Variants in ZNF454 observed in about 807,000 individuals in gnomAD.
The protein encoded by ZNF454 is zinc finger protein 454.
ZNF454 carries 30 observed loss-of-function variants against 48.2 expected under a neutral mutation model. The ratio of observed to expected loss-of-function variants is 0.62; its 90% CI spans 0.47 to 0.84. ZNF454 has a LOEUF of 0.84. Ranked by LOEUF, ZNF454 falls within the 40% of genes least tolerant of loss-of-function variation. The pLI, the probability that ZNF454 is intolerant of heterozygous loss-of-function variation, is 0.00. For synonymous variants in ZNF454, 204 were observed against 211.4 expected, an observed-to-expected ratio of 0.97 and a Z score of 0.30; for missense variants, 510 against 623.1, an observed-to-expected ratio of 0.82 and a Z score of 1.93.
chr5:178,965,973 A>C lies in ZNF454; in HGVS notation c.1569A>C (p.Ter523CysextTer15). 6.4e-7 allele frequency: 1 copy of C among 1,555,230 alleles called. No individual in the cohort carries two copies. The highest frequency in any genetic ancestry group is 8.7e-7 in the Non-Finnish European group (1 of 1,153,952). The change falls in exon 5 of 5, where the codon TGA becomes TGC. Residue 523 changes from the stop codon to cysteine, a stop_lost. Coordinates refer to ENST00000519564, the MANE Select transcript of ZNF454 (RefSeq NM_001178089.3). The surrounding 1 kb of genome is among the most constrained non-coding windows in gnomAD (Gnocchi z 5.2). ...AGAGACATCATATTGGAGAGAAGTGATATGAATGCAGTTTGTATGGAAGAC... is the reference window on the plus strand; with the variant it reads ...AGAGACATCATATTGGAGAGAAGTGCTATGAATGCAGTTTGTATGGAAGAC... The part of the protein sequence containing the change: ...QHQRHHIGEK[*>C]
intron 4 of ZNF454, among the ~76,000 whole-genome samples, chr5:178,949,614 T>C (rs1414073321): frequency 6.6e-6 from 1 of 152,084 alleles, no homozygotes; most frequent in African/African-American, 2.4e-5. Flanking sequence ...TTCCTTTTTT[T>C]TGTTTTTTGT....
intron 4 of ZNF454, among the ~76,000 whole-genome samples, chr5:178,955,646 A>T (rs1759718350): frequency 6.6e-6 from 1 of 152,184 alleles, no homozygotes; most frequent in Non-Finnish European, 1.5e-5. Context: ...TCCTTTCCTT[A>T]TAACATCTCT....
chr5:178,986,274 GC>G, the ZNF454 span: 1 of 1,613,962 alleles, frequency 6.2e-7, no homozygotes, highest in African/African-American at 1.3e-5. Flanking sequence ...TGAGGGTCGT[GC>G]CCAGGCCCAG....
the ZNF454 span, chr5:178,986,397 C>G: frequency 1.2e-5 from 20 of 1,613,790 alleles, no homozygotes; most frequent in African/African-American, 2.7e-5. Flanking sequence ...GCTCTCGGCC[C>G]GAGGCCCGGA....
At chr5:178,968,105 TCACA>T (rs3031585), downstream of ZNF454, among the ~76,000 whole-genome samples, 34,709 of 144,850 alleles carry the variant, frequency 0.24, 4,364 homozygotes, top group East Asian at 0.32. Flanking sequence ...CATCTGTGCA[TCACA>T]CACACACACA....
In ZNF454 at chr5:178,944,222, AGCTCACCG is replaced by A. The variant is rs1759226620; in HGVS notation, c.33+1402_33+1409del. Among the ~76,000 whole-genome samples, 1 of 152,180 alleles carries A rather than the reference AGCTCACCG, an allele frequency of 6.6e-6. No homozygotes were observed. Among genetic ancestry groups the A allele is most frequent in the African/African-American group, 2.4e-5 (1 of 41,442 alleles). ...GGGAGCGCCATGTTCAACATAGCAC[AGCTCACCG>A]GCTGTTCCCCTCCTCCTCTTGGCTT... is the stretch of plus-strand genomic sequence containing the variant. On this transcript the variant is annotated intron_variant, in intron 2 of 4. Transcript: ENST00000519564. This position sits in a 1 kb window ranked among gnomAD's most constrained non-coding sequence, Gnocchi z 4.1.
At chr5:178,985,044 C>T in the ZNF454 span, among the ~76,000 whole-genome samples, 1 of 152,114 alleles carries the variant, frequency 6.6e-6, no homozygotes, top group Admixed American at 6.6e-5. Context: ...CAAAGGAGCT[C>T]CATTATTTAA....
the ZNF454 span, chr5:178,983,419 G>C: frequency 1.4e-6 from 1 of 704,240 alleles, no homozygotes; most frequent in South Asian, 1.5e-5. Context: ...GCCCAAGAGG[G>C]GTCCGTCCAA....
At chr5:178,950,822 A>T in intron 4 of ZNF454, among the ~76,000 whole-genome samples, 1 of 150,672 alleles carries the variant, frequency 6.6e-6, no homozygotes, top group African/African-American at 2.4e-5. Flanking sequence ...TTTTTCTCTT[A>T]AATTTGCTTG....
the ZNF454 span, chr5:178,983,495 A>G: frequency 2.0e-5 from 13 of 649,350 alleles, no homozygotes; most frequent in East Asian, 4.0e-4. Context: ...ACATCAGTGC[A>G]GTGTGCATAA....
chr5:178,983,525 T>A, the ZNF454 span: 1 of 586,606 alleles, frequency 1.7e-6, no homozygotes. Context: ...TGGTGTCCTC[T>A]TCCTGCATTC....
chr5:178,966,219 G>A lies in ZNF454; in HGVS notation c.*246G>A, dbSNP rs993333742. The stretch of plus-strand genomic sequence containing the variant: ...GGAGGCCGAGGTGGGCGGATCACGA[G>A]GTCAGGAGATCGAGACCATCCTGGC... On this transcript the variant is annotated 3_prime_UTR_variant, in exon 5 of 5. Transcript: ENST00000519564. The A allele has an allele frequency of 2.9e-5, 10 of 347,080 alleles. No homozygotes were observed. The highest frequency in any genetic ancestry group is 2.1e-4 in the African/African-American group (10 of 48,012). 21.5% of individuals were successfully genotyped at this position (347,080 alleles called of 1,614,324 possible). A position where few individuals can be genotyped will look rare whatever the true frequency, so the allele number is the denominator to read the frequency against.
Position 178,965,139 on chromosome 5 carries a change from A to G in ZNF454, c.735A>G (p.Glu245=). The part of the protein sequence containing the change: ...QRIHTGEKPY[E]CKECGKAFSV... Reference sequence around the variant, plus strand: ...TTCACACTGGCGAGAAACCCTATGAATGTAAGGAATGTGGCAAGGCCTTCT... The same window carrying G: ...TTCACACTGGCGAGAAACCCTATGAGTGTAAGGAATGTGGCAAGGCCTTCT... The change falls in exon 5 of 5, where the codon GAA becomes GAG. Residue 245 remains glutamate, a synonymous_variant. Transcript: ENST00000519564. This position sits in a 1 kb window ranked among gnomAD's most constrained non-coding sequence, Gnocchi z 5.2. 5 of 1,614,196 alleles carry G rather than the reference A, an allele frequency of 3.1e-6. No homozygotes were observed. Among genetic ancestry groups the G allele is most frequent in the Non-Finnish European group, 4.2e-6 (5 of 1,180,042 alleles).
At chr5:178,954,165 C>G (rs1194005329) in intron 4 of ZNF454, among the ~76,000 whole-genome samples, 3 of 152,032 alleles carry the variant, frequency 2.0e-5, no homozygotes, top group African/African-American at 7.2e-5. Flanking sequence ...GACTGAGGCA[C>G]AAGAATCACT....
At chr5:178,981,477 G>C in the ZNF454 span, 1 of 596,652 alleles carries the variant, frequency 1.7e-6, no homozygotes, top group Non-Finnish European at 3.0e-6. The surrounding 1 kb of genome is among the most constrained non-coding windows in gnomAD (Gnocchi z 5.1). Flanking sequence ...TCACATGCTG[G>C]AATCGGGGTA....
rs1379332331 is a variant in ZNF454, at chr5:178,965,701, A to T, written c.1297A>T (p.Ile433Phe). 6.2e-7 allele frequency: 1 copy of T among 1,614,094 alleles called. No homozygotes were observed. ...DQSALAQHQR[I>F]HTGEKPYTCN... Reference sequence around the variant, plus strand: ...ATCAGCACTAGCCCAACATCAGAGAATTCATACTGGGGAAAAACCTTATAC... The same window carrying T: ...ATCAGCACTAGCCCAACATCAGAGATTTCATACTGGGGAAAAACCTTATAC... The change falls in exon 5 of 5, where the codon ATT (isoleucine) becomes TTT (phenylalanine). Residue 433 changes from isoleucine to phenylalanine, a missense_variant. By Grantham distance (21) the Ile-to-Phe change is conservative. Transcript: ENST00000519564. The surrounding 1 kb of genome is among the most constrained non-coding windows in gnomAD (Gnocchi z 5.2).
rs191878172 is a variant in ZNF454 at position 178,951,784 on chromosome 5, C to T, written c.250+4798C>T. Among the ~76,000 whole-genome samples the T allele has an allele frequency of 2.0e-4, 31 of 152,136 alleles. No individual in the cohort carries two copies. In the East Asian group the frequency reaches 5.4e-3, roughly 27 times the overall value. On this transcript the variant is annotated intron_variant, in intron 4 of 4. Transcript: ENST00000519564. ...TGGACCTTGTTTGGGAGTTTCTTTG[C>T]GTGTATTCATAGATGTAGAGGTACT...
At chr5:178,949,300 C>A (rs941969174) in intron 4 of ZNF454, among the ~76,000 whole-genome samples, 1 of 152,082 alleles carries the variant, frequency 6.6e-6, no homozygotes, top group Non-Finnish European at 1.5e-5. Flanking sequence ...GATCCGCCCC[C>A]CTCAGCCTCC....
At chr5:178,945,382 T>C (rs1759283804) in intron 2 of ZNF454, among the ~76,000 whole-genome samples, 1 of 147,268 alleles carries the variant, frequency 6.8e-6, no homozygotes, top group Non-Finnish European at 1.5e-5. Flanking sequence ...TCTGTGTCTG[T>C]GTGTGAGTTT....
Sources: gnomAD v4.1 joint callset for allele counts (sites outside exome capture counted in the v4.1 genomes callset) on GRCh38, gnomAD v4.1.1 for gene constraint, Gnocchi (gnomAD v3.1) non-coding constraint, MANE v1.5 for transcripts, NCBI Gene and HGNC (gene_info 2026-07-23, HGNC 2026-07-21) for gene names.